Variants in FARSB observed in about 807,000 individuals in gnomAD.
FARSB encodes phenylalanine--tRNA ligase beta subunit.
In FARSB, 40 loss-of-function variants were observed where a neutral mutation model predicts 69.6. The ratio of observed to expected loss-of-function variants is 0.57; its 90% confidence interval spans 0.45 to 0.75. The LOEUF (loss-of-function observed/expected upper bound fraction) is 0.75. Ranked by LOEUF, FARSB falls within the 30% of genes least tolerant of loss-of-function variation. FARSB has a pLI of 0.00. For missense variants in FARSB, 632 were observed against 722.9 expected (o/e 0.87, Z 1.44); for synonymous variants, 235 against 247.2 (o/e 0.95, Z 0.46).
chr2:222,609,741 C>T (rs543408117), intron 15 of FARSB, among the ~76,000 whole-genome samples: 4 of 152,224 alleles, frequency 2.6e-5, no homozygotes, highest in Non-Finnish European at 4.4e-5. Flanking sequence ...TCATACAACA[C>T]GGATGGTCAG....
At chr2:222,630,023 G>A in intron 9 of FARSB, 90 bp downstream of exon 9, 1 of 785,638 alleles carries the variant, frequency 1.3e-6, no homozygotes, top group African/African-American at 1.8e-5. Context: ...TTATAGGTGT[G>A]AGCCACCGCA....
chr2:222,590,268 A>T (rs1364224209), intron 16 of FARSB, among the ~76,000 whole-genome samples: 1 of 152,152 alleles, frequency 6.6e-6, no homozygotes, highest in Non-Finnish European at 1.5e-5. Flanking sequence ...TGCAAGGACA[A>T]AAAACCAAAC....
rs933338263 is a variant in FARSB, at chr2:222,614,570, C to T, written c.1345-642G>A. ...TTAAATAGATTAAATATAGGTCAGG[C>T]ACAGTGGCTCATGCCTGTAATCCCA... On this transcript the variant is annotated intron_variant, in intron 14 of 16. Transcript: ENST00000281828. Among the ~76,000 whole-genome samples, 4 of 152,326 alleles carry T rather than the reference C, an allele frequency of 2.6e-5. No homozygotes were observed. The South Asian group carries it at 8.3e-4, about 32-fold the overall frequency.
At chr2:222,590,798 G>A (rs766514163) in intron 16 of FARSB, among the ~76,000 whole-genome samples, 3 of 152,144 alleles carry the variant, frequency 2.0e-5, no homozygotes, top group Non-Finnish European at 4.4e-5. Context: ...AAACAAAATT[G>A]ACTCTGTACT....
chr2:222,643,071 TG>T lies in FARSB; in HGVS notation c.115-67del, dbSNP rs1356202224. ...TAAACTCTCTTTAAAAAGTAAAAGTTGTCAGCCCTATAAGGCAGTAACTACA... is the reference window on the plus strand; with the variant it reads ...TAAACTCTCTTTAAAAAGTAAAAGTTTCAGCCCTATAAGGCAGTAACTACA... On this transcript the variant is annotated intron_variant, in intron 2 of 16. Transcript: ENST00000281828. The T allele has an allele frequency of 9.0e-6, 9 of 995,700 alleles. No individual in the cohort carries two copies. In the African/African-American group the frequency reaches 1.5e-4, roughly 16 times the overall value. 61.7% of individuals were successfully genotyped at this position (995,700 alleles called of 1,614,324 possible).
At chr2:222,621,750 A>C (rs1691142212) in intron 13 of FARSB, among the ~76,000 whole-genome samples, 1 of 152,228 alleles carries the variant, frequency 6.6e-6, no homozygotes, top group African/African-American at 2.4e-5. Flanking sequence ...AAAGTCAGAG[A>C]CTAGGCTTAA....
At chr2:222,579,707 G>C (rs1057287785) in intron 16 of FARSB, among the ~76,000 whole-genome samples, 1 of 152,156 alleles carries the variant, frequency 6.6e-6, no homozygotes, top group Non-Finnish European at 1.5e-5. Context: ...GAAAAAAATA[G>C]ATACTAGACA....
chr2:222,585,086 C>G lies in FARSB; in HGVS notation c.1619-13064G>C, dbSNP rs530235730. ...CCCGAGTAACCTAACTAGGAGATACCTCCCAGTAGGGGCCGACTGACACCT... is the reference window on the plus strand; with the variant it reads ...CCCGAGTAACCTAACTAGGAGATACGTCCCAGTAGGGGCCGACTGACACCT... On this transcript the variant is annotated intron_variant, in intron 16 of 16. Transcript: ENST00000281828. Among the ~76,000 whole-genome samples, 81 of 152,340 alleles carry G rather than the reference C, an allele frequency of 5.3e-4. 1 individual carries two copies. The highest frequency in any genetic ancestry group is 8.7e-4 in the Non-Finnish European group (59 of 68,026).
intron 3 of FARSB, among the ~76,000 whole-genome samples, chr2:222,642,569 C>A (rs1455667688): frequency 6.6e-6 from 1 of 152,196 alleles, no homozygotes; most frequent in Admixed American, 6.5e-5. Context: ...AGGGGAATCA[C>A]ACACACCTGC....
intron 10 of FARSB, among the ~76,000 whole-genome samples, chr2:222,626,993 G>A (rs1468580202): frequency 3.9e-5 from 6 of 152,050 alleles, no homozygotes; most frequent in Admixed American, 1.3e-4. Context: ...CCGAGATCGC[G>A]CCACTGCACT....
chr2:222,646,025 T>C (rs1220798574), intron 2 of FARSB, among the ~76,000 whole-genome samples: 1 of 152,188 alleles, frequency 6.6e-6, no homozygotes, highest in Non-Finnish European at 1.5e-5. Context: ...AAGAGATCTA[T>C]CATTCAAATT....
chr2:222,639,765 G>A (rs935024412), intron 4 of FARSB, 70 bp from the exon 5 acceptor site: 9 of 603,408 alleles, frequency 1.5e-5, no homozygotes, highest in Non-Finnish European at 2.5e-5. Context: ...GTAATAGGAA[G>A]GTAGCTGCAT....
At chr2:222,645,615 C>CT (rs34378478) in intron 2 of FARSB, among the ~76,000 whole-genome samples, 2,547 of 144,310 alleles carry the variant, frequency 0.018, 50 homozygotes, top group African/African-American at 0.05. Context: ...TAAAGTATGT[C>CT]TTTTTTTTTT....
At chr2:222,648,871 CT>C in intron 1 of FARSB, 76 bp from the exon 2 acceptor site, 1 of 939,216 alleles carries the variant, frequency 1.1e-6, no homozygotes, top group South Asian at 1.3e-5. Flanking sequence ...ACTGCATTTT[CT>C]TATTACTAAT....
At chr2:222,652,409 A>G (rs907758444) in intron 1 of FARSB, among the ~76,000 whole-genome samples, 5 of 152,120 alleles carry the variant, frequency 3.3e-5, no homozygotes, top group Non-Finnish European at 7.4e-5. Flanking sequence ...GTTCCCTTCC[A>G]CATTGTGCTA....
At chr2:222,604,145 G>A (rs895891965) in intron 15 of FARSB, among the ~76,000 whole-genome samples, 17 of 151,650 alleles carry the variant, frequency 1.1e-4, no homozygotes, top group African/African-American at 3.6e-4. Context: ...GTGAACCCGG[G>A]AGGCAGAGTT....
chr2:222,583,111 C>T (rs1690015211), intron 16 of FARSB, among the ~76,000 whole-genome samples: 1 of 152,038 alleles, frequency 6.6e-6, no homozygotes, highest in Non-Finnish European at 1.5e-5. Context: ...CAAACTGAAG[C>T]CAGCTTCAAG....
chr2:222,609,496 C>T (rs2106206259), intron 15 of FARSB, among the ~76,000 whole-genome samples: 1 of 152,328 alleles, frequency 6.6e-6, no homozygotes, highest in South Asian at 2.1e-4. Flanking sequence ...AGTCTGCATT[C>T]AACTTCTCAT....
chr2:222,653,841 C>G (rs995500659), intron 1 of FARSB, among the ~76,000 whole-genome samples: 3 of 152,064 alleles, frequency 2.0e-5, no homozygotes, highest in Non-Finnish European at 4.4e-5. Context: ...AGTCTGGTCT[C>G]CAACTCCTGA....
Sources: gnomAD v4.1 joint callset for allele counts (sites outside exome capture counted in the v4.1 genomes callset) on GRCh38, gnomAD v4.1.1 for gene constraint, MANE v1.5 for transcripts, NCBI Gene and HGNC (gene_info 2026-07-23, HGNC 2026-07-21) for gene names.